Variants in ITGAV observed in about 807,000 individuals in gnomAD.
ITGAV encodes integrin subunit alpha V.
In ITGAV, 76 loss-of-function variants were observed where a neutral mutation model predicts 143.8. The observed-to-expected ratio is 0.53, with a 90% CI of 0.44 to 0.64. The LOEUF (loss-of-function observed/expected upper bound fraction) is 0.64, where lower values mean the gene tolerates loss of function less well. ITGAV is among the 30% of genes least tolerant of loss of function. ITGAV has a pLI of 0.00. For missense variants in ITGAV, 1,193 were observed against 1,274.7 expected (o/e 0.94, Z 0.98); for synonymous variants, 453 against 446.7 (o/e 1.01, Z -0.18).
In ITGAV at chr2:186,625,678, T is replaced by TGTGTGTGTGAGA. The variant is rs5836988; in HGVS notation, c.523+92_523+93insTGTGTGTGAGAG. 570 of 453,076 alleles carry TGTGTGTGTGAGA rather than the reference T, an allele frequency of 1.3e-3. 3 individuals carry two copies. In the South Asian group the frequency reaches 0.018, roughly 14 times the overall value. The allele number at this position is 453,076 out of a possible 1,614,324, so 28.1% of individuals were successfully genotyped here. On this transcript the variant is annotated intron_variant, in intron 4 of 29. Coordinates refer to ENST00000261023, the MANE Select transcript of ITGAV (RefSeq NM_002210.5). The stretch of plus-strand genomic sequence containing the variant: ...GTGTGTGTGGGTGTGTGTGTGTGTG[T>TGTGTGTGTGAGA]GAGAGAGAGAGATATTAAAAGATAT...
rs1689219371 is a variant in ITGAV at position 186,676,701 on chromosome 2, A to G, written c.2929-112A>G. On this transcript the variant is annotated intron_variant, in intron 28 of 29. Transcript: ENST00000261023. ...GTGAAACCACTAAATTATCATATGCAGGAAAAGAATATACTGTGAATTCCA... is the reference window on the plus strand; with the variant it reads ...GTGAAACCACTAAATTATCATATGCGGGAAAAGAATATACTGTGAATTCCA... 2.6e-6 allele frequency: 3 copies of G among 1,156,618 alleles called. No individual in the cohort carries two copies. The South Asian group carries it at 5.2e-5, about 20-fold the overall frequency. 71.6% of individuals were successfully genotyped at this position (1,156,618 alleles called of 1,614,324 possible). A position where few individuals can be genotyped will look rare whatever the true frequency, so the allele number is the denominator to read the frequency against.
At chr2:186,634,554 A>C (rs1559051759) in intron 6 of ITGAV, among the ~76,000 whole-genome samples, 3 of 152,192 alleles carry the variant, frequency 2.0e-5, no homozygotes, top group Non-Finnish European at 4.4e-5. Flanking sequence ...AAGAAAAGAA[A>C]ACTAGGAATA....
rs1050547203 is a variant in ITGAV at position 186,675,197 on chromosome 2, A to G, written c.2707-407A>G. Among the ~76,000 whole-genome samples, 18 of 152,352 alleles carry G rather than the reference A, an allele frequency of 1.2e-4. 1 individual carries two copies. The highest frequency in any genetic ancestry group is 3.3e-4 in the Admixed American group (5 of 15,306). ...TCTGTAGGCCCTCCATGGAAAAACC[A>G]TTAAAAATTCTGTTTTCTTTTCCAT... is the stretch of plus-strand genomic sequence containing the variant. On this transcript the variant is annotated intron_variant, in intron 26 of 29. Coordinates refer to ENST00000261023, the MANE Select transcript of ITGAV (RefSeq NM_002210.5).
At position 186,675,576 on chromosome 2, in the gene ITGAV, C is replaced by G. The variant is rs1187499557; in HGVS notation, c.2707-28C>G. 1.9e-6 allele frequency: 3 copies of G among 1,560,032 alleles called. No individual in the cohort carries two copies. In the Admixed American group the frequency reaches 5.1e-5, roughly 26 times the overall value. ...TGAAGAGATGATAGAATGACCTTTT[C>G]TTATAAGTAAAGGATTTGTTTTGGC... On this transcript the variant is annotated intron_variant, in intron 26 of 29. Coordinates refer to ENST00000261023, the MANE Select transcript of ITGAV (RefSeq NM_002210.5).
intron 2 of ITGAV, among the ~76,000 whole-genome samples, chr2:186,605,104 A>G (rs983891633): frequency 3.3e-5 from 5 of 152,236 alleles, no homozygotes; most frequent in African/African-American, 1.2e-4. Context: ...TATCAGCACT[A>G]GTTAAAATGT....
At chr2:186,639,706 T>C (rs1448445268) in intron 10 of ITGAV, among the ~76,000 whole-genome samples, 1 of 152,184 alleles carries the variant, frequency 6.6e-6, no homozygotes, top group East Asian at 1.9e-4. Context: ...CTGCTGAAAA[T>C]CTGTTTCTTA....
rs200760750 is a variant in ITGAV, at chr2:186,665,113, T to G, written c.2074-13T>G. The G allele has an allele frequency of 2.1e-5, 27 of 1,269,926 alleles. No homozygotes were observed. The highest frequency in any genetic ancestry group is 2.5e-5 in the Non-Finnish European group (23 of 925,940). The allele number at this position is 1,269,926 out of a possible 1,614,324, so 78.7% of individuals were successfully genotyped here. A position where few individuals can be genotyped will look rare whatever the true frequency, so the allele number is the denominator to read the frequency against. Reference sequence around the variant, plus strand: ...TCATATCCATTTTTTTTTTTTTTTTTGGTCTATCAAAGGCCTTAGCAAGAC... The same window carrying G: ...TCATATCCATTTTTTTTTTTTTTTTGGGTCTATCAAAGGCCTTAGCAAGAC... On this transcript the variant is annotated splice_polypyrimidine_tract_variant and intron_variant, in intron 20 of 29. Coordinates refer to ENST00000261023, the MANE Select transcript of ITGAV (RefSeq NM_002210.5).
Position 186,677,194 on chromosome 2 carries a change from C to T in ITGAV, c.3052-3C>T, listed in dbSNP as rs2105757211. 6.2e-7 allele frequency: 1 copy of T among 1,612,934 alleles called. No homozygotes were observed. Reference sequence around the variant, plus strand: ...GTAATAATGGTTTTTCTTCAACTGACAGATGGGCTTTTTTAAACGGGTCCG... The same window carrying T: ...GTAATAATGGTTTTTCTTCAACTGATAGATGGGCTTTTTTAAACGGGTCCG... On this transcript the variant is annotated splice_region_variant and splice_polypyrimidine_tract_variant and intron_variant, in intron 29 of 29. Coordinates refer to ENST00000261023, the MANE Select transcript of ITGAV (RefSeq NM_002210.5).
intron 2 of ITGAV, among the ~76,000 whole-genome samples, chr2:186,610,211 C>A (rs1216967781): frequency 2.0e-5 from 3 of 152,024 alleles, no homozygotes; most frequent in Non-Finnish European, 4.4e-5. Flanking sequence ...TTTCATGATA[C>A]AAAGTTTAAT....
chr2:186,660,844 C>T (rs1236482478), intron 18 of ITGAV, among the ~76,000 whole-genome samples: 2 of 152,182 alleles, frequency 1.3e-5, no homozygotes, highest in Admixed American at 6.5e-5. Flanking sequence ...TGAGGCCTCT[C>T]TTCTTGGCTT....
chr2:186,656,011 TG>T (rs1460803951), intron 16 of ITGAV, among the ~76,000 whole-genome samples: 1 of 152,184 alleles, frequency 6.6e-6, no homozygotes, highest in Non-Finnish European at 1.5e-5. Context: ...ATCATTTTTT[TG>T]GGAATTATTT....
At chr2:186,650,132 T>C (rs1380054079) in intron 14 of ITGAV, among the ~76,000 whole-genome samples, 2 of 152,192 alleles carry the variant, frequency 1.3e-5, no homozygotes, top group Non-Finnish European at 2.9e-5. Flanking sequence ...TCAGAGTAAT[T>C]AGGATATTCA....
In ITGAV at chr2:186,668,833, T is replaced by C. The variant is rs774735553; in HGVS notation, c.2505T>C (p.Asn835=). 5 of 1,613,282 alleles carry C rather than the reference T, an allele frequency of 3.1e-6. No individual in the cohort carries two copies. The highest frequency in any genetic ancestry group is 4.2e-6 in the Non-Finnish European group (5 of 1,179,302). The change falls in exon 25 of 30, where the codon AAT becomes AAC. Residue 835 remains asparagine, a synonymous_variant. Transcript: ENST00000261023. Reference sequence around the variant, plus strand: ...TTCAGTGGCCTTACAAATATAATAATAACACTCTGTTGTATATCCTTCATT... The same window carrying C: ...TTCAGTGGCCTTACAAATATAATAACAACACTCTGTTGTATATCCTTCATT... ...LHLQWPYKYN[N]NTLLYILHYD...
chr2:186,655,693 A>G (rs1688563649), intron 16 of ITGAV, among the ~76,000 whole-genome samples: 1 of 152,208 alleles, frequency 6.6e-6, no homozygotes, highest in Admixed American at 6.5e-5. Context: ...ATCCTTTTAC[A>G]ATGATTCTTG....
chr2:186,680,043 G>A lies in ITGAV; in HGVS notation c.*2751G>A, dbSNP rs192933940. 1 of 152,152 alleles carries A rather than the reference G, an allele frequency of 6.6e-6. No individual in the cohort carries two copies. Among genetic ancestry groups the A allele is most frequent in the East Asian group, 1.9e-4 (1 of 5,186 alleles). 9.4% of individuals were successfully genotyped at this position (152,152 alleles called of 1,614,324 possible). On this transcript the variant is annotated 3_prime_UTR_variant, in exon 30 of 30. Coordinates refer to ENST00000261023, the MANE Select transcript of ITGAV (RefSeq NM_002210.5). ...TGTGATAAAAGTATTGTATATAATA[G>A]ATCAGCGATTTTTGTAAGGCAAACA...
chr2:186,657,763 C>A (rs1010011717), intron 17 of ITGAV, among the ~76,000 whole-genome samples: 1 of 152,038 alleles, frequency 6.6e-6, no homozygotes, highest in South Asian at 2.1e-4. Flanking sequence ...TTAGACAAAT[C>A]ATGGAAATTC....
intron 1 of ITGAV, among the ~76,000 whole-genome samples, chr2:186,595,436 T>A (rs1286306662): frequency 6.6e-6 from 1 of 152,218 alleles, no homozygotes; most frequent in Non-Finnish European, 1.5e-5. Flanking sequence ...TTGGTTCCTC[T>A]GAGCCTCTTG....
At chr2:186,603,484 A>T (rs1686970287) in intron 2 of ITGAV, among the ~76,000 whole-genome samples, 2 of 152,158 alleles carry the variant, frequency 1.3e-5, no homozygotes, top group African/African-American at 2.4e-5. Context: ...GAAATTATCT[A>T]CATTAAACTC....
At chr2:186,618,642 T>G (rs1368496777) in intron 2 of ITGAV, among the ~76,000 whole-genome samples, 3 of 152,154 alleles carry the variant, frequency 2.0e-5, no homozygotes, top group Non-Finnish European at 2.9e-5. Flanking sequence ...TTCATGGAGG[T>G]AAATTTTCAA....
Sources: allele counts gnomAD v4.1 joint callset (sites outside exome capture counted in the v4.1 genomes callset), GRCh38; gene constraint gnomAD v4.1.1; transcripts MANE v1.5; gene names NCBI Gene and HGNC (gene_info 2026-07-23, HGNC 2026-07-21).